The following CXCL13 variants were observed in gnomAD, a reference collection of about 807,000 sequenced individuals.
The protein encoded by CXCL13 is C-X-C motif chemokine 13.
In CXCL13, 7 loss-of-function variants were observed where a neutral mutation model predicts 12.2. The observed-to-expected ratio is 0.57, with a 90% confidence interval of 0.33 to 1.07. The LOEUF (loss-of-function observed/expected upper bound fraction) is 1.07. CXCL13 is among the 50% of genes least tolerant of loss of function. CXCL13 has a pLI of 0.04. For synonymous variants in CXCL13, 47 were observed against 42.4 expected (o/e 1.11, Z -0.42); for missense variants, 113 against 127.4 (o/e 0.89, Z 0.55).
intron 1 of CXCL13, among the ~76,000 whole-genome samples, chr4:77,512,176 C>G (rs1041149891): frequency 6.6e-6 from 1 of 152,202 alleles, no homozygotes; most frequent in African/African-American, 2.4e-5. Context: ...AACTAATTAG[C>G]CTGCTTGCTG....
At chr4:77,523,221 T>C (rs1724660919) in intron 1 of CXCL13, among the ~76,000 whole-genome samples, 1 of 152,146 alleles carries the variant, frequency 6.6e-6, no homozygotes, top group Admixed American at 6.5e-5. Flanking sequence ...ATCTTTGTGG[T>C]GTTGTCTGTA....
At chr4:77,553,080 C>T (rs745561628) in intron 1 of CXCL13, among the ~76,000 whole-genome samples, 46 of 152,122 alleles carry the variant, frequency 3.0e-4, no homozygotes, top group African/African-American at 3.9e-4. Context: ...TACTGCATCA[C>T]GGTCTTAGGG....
At chr4:77,596,512 CA>C (rs1426499308) in intron 1 of CXCL13, among the ~76,000 whole-genome samples, 2 of 152,138 alleles carry the variant, frequency 1.3e-5, no homozygotes, top group Admixed American at 6.5e-5. Flanking sequence ...GGGCTGGGCA[CA>C]GTGGCTCATG....
chr4:77,580,039 C>T (rs574293975), intron 1 of CXCL13, among the ~76,000 whole-genome samples: 1 of 152,234 alleles, frequency 6.6e-6, no homozygotes, highest in South Asian at 2.1e-4. Context: ...TACAAACCAG[C>T]TGACTATCAG....
chr4:77,529,123 A>G (rs375395348), intron 1 of CXCL13, among the ~76,000 whole-genome samples: 7 of 152,208 alleles, frequency 4.6e-5, no homozygotes, highest in Middle Eastern at 3.4e-3. Flanking sequence ...GCTCTGTTCT[A>G]TTCCATTGGT....
Position 77,594,716 on chromosome 4 carries a change from A to T in CXCL13, c.-42-11108A>T, listed in dbSNP as rs77322549. Among the ~76,000 whole-genome samples the T allele has an allele frequency of 1.4e-4, 22 of 152,250 alleles. 2 individuals are homozygous for T. In the East Asian group the frequency reaches 4.3e-3, roughly 30 times the overall value. ...GAAATTGGCCATAATCCACATGGAC[A>T]CTGGGAGGGGAACAACACACACTGT... is the stretch of plus-strand genomic sequence containing the variant. On this transcript the variant is annotated intron_variant, in intron 1 of 4. Coordinates refer to the CXCL13 transcript ENST00000286758.
intron 2 of CXCL13, among the ~76,000 whole-genome samples, 181 bp downstream of exon 2, chr4:77,608,016 T>C (rs1265945889): frequency 6.6e-6 from 1 of 152,208 alleles, no homozygotes; most frequent in Non-Finnish European, 1.5e-5. Context: ...AGCCCTGAGC[T>C]AAGTGCTTTA....
At chr4:77,605,016 T>A (rs72861975), upstream of CXCL13, among the ~76,000 whole-genome samples, 4,366 of 152,222 alleles carry the variant, frequency 0.029, 184 homozygotes, top group African/African-American at 0.095. Flanking sequence ...GTTGGTGGGA[T>A]CAAAACCTAA....
chr4:77,517,270 A>G (rs1724447416), intron 1 of CXCL13, among the ~76,000 whole-genome samples: 1 of 152,094 alleles, frequency 6.6e-6, no homozygotes, highest in Non-Finnish European at 1.5e-5. Context: ...GTGCTGAAAA[A>G]AATGTATATT....
chr4:77,584,181 A>G (rs935638253), intron 1 of CXCL13, among the ~76,000 whole-genome samples: 2 of 152,216 alleles, frequency 1.3e-5, no homozygotes, highest in Admixed American at 6.5e-5. Context: ...GTCTTTAAAT[A>G]TCATTCCTCA....
At chr4:77,587,820 G>A (rs1726513092) in intron 1 of CXCL13, among the ~76,000 whole-genome samples, 1 of 152,218 alleles carries the variant, frequency 6.6e-6, no homozygotes, top group Non-Finnish European at 1.5e-5. Context: ...GCGTGAAACT[G>A]TCTGGTACGT....
chr4:77,515,258 T>G (rs574376572), intron 1 of CXCL13, among the ~76,000 whole-genome samples: 1 of 152,338 alleles, frequency 6.6e-6, no homozygotes, highest in East Asian at 1.9e-4. Context: ...CCAGCTTTGT[T>G]CTTTTGGCTT....
chr4:77,520,072 A>C (rs930746548), intron 1 of CXCL13, among the ~76,000 whole-genome samples: 1 of 152,152 alleles, frequency 6.6e-6, no homozygotes, highest in African/African-American at 2.4e-5. Context: ...CCATTGGTCT[A>C]TATCTCTGTT....
intron 1 of CXCL13, among the ~76,000 whole-genome samples, chr4:77,512,001 A>C (rs1724284699): frequency 6.6e-6 from 1 of 152,202 alleles, no homozygotes; most frequent in Non-Finnish European, 1.5e-5. Context: ...GCCATGGAGC[A>C]CCTTGAAGAT....
chr4:77,526,844 C>T (rs371611661), intron 1 of CXCL13, among the ~76,000 whole-genome samples: 2 of 152,186 alleles, frequency 1.3e-5, no homozygotes, highest in East Asian at 3.9e-4. Flanking sequence ...AGACCCAAAG[C>T]CAAGAAGGGC....
At chr4:77,602,501 C>T (rs1726901888), upstream of CXCL13, among the ~76,000 whole-genome samples, 2 of 152,094 alleles carry the variant, frequency 1.3e-5, no homozygotes, top group Admixed American at 1.3e-4. Flanking sequence ...GAATGCAGGA[C>T]CTGAGATTCT....
At chr4:77,528,483 G>A (rs1290097065) in intron 1 of CXCL13, among the ~76,000 whole-genome samples, 1 of 152,186 alleles carries the variant, frequency 6.6e-6, no homozygotes, top group African/African-American at 2.4e-5. Context: ...AGTGGTGTGA[G>A]ATGGTATCTC....
chr4:77,595,194 G>A (rs1726719552), intron 1 of CXCL13, among the ~76,000 whole-genome samples: 1 of 151,806 alleles, frequency 6.6e-6, no homozygotes, highest in Non-Finnish European at 1.5e-5. Context: ...TGTACTACGG[G>A]CAGCCGCTGT....
chr4:77,538,422 T>C (rs1319681550), intron 1 of CXCL13, among the ~76,000 whole-genome samples: 1 of 133,888 alleles, frequency 7.5e-6, no homozygotes, highest in Non-Finnish European at 1.6e-5. Context: ...CAATGTCTTG[T>C]CTTTTTTTTT....
Sources: gnomAD v4.1 joint callset for allele counts (sites outside exome capture counted in the v4.1 genomes callset) on GRCh38, gnomAD v4.1.1 for gene constraint, MANE v1.5 for transcripts, NCBI Gene and HGNC (gene_info 2026-07-23, HGNC 2026-07-21) for gene names.